MLPH: variants seen among roughly 807,000 people sequenced by gnomAD.
The protein encoded by MLPH is exophilin-3.
In MLPH, 51 loss-of-function variants were observed where a neutral mutation model predicts 72.1. The observed-to-expected ratio is 0.71, with a 90% confidence interval of 0.56 to 0.89. The LOEUF (loss-of-function observed/expected upper bound fraction) is 0.89, where lower values mean the gene tolerates loss of function less well. Among genes scored for constraint, MLPH ranks in the 40% least tolerant of loss-of-function variants. MLPH has a pLI of 0.00. For synonymous variants in MLPH, 301 were observed against 310.1 expected (o/e 0.97, Z 0.31); for missense variants, 743 against 759.9 (o/e 0.98, Z 0.26).
Position 237,505,288 on chromosome 2 carries a change from C to A in MLPH, c.111-5286C>A, listed in dbSNP as rs1297447568. 6.6e-6 allele frequency among the ~76,000 whole-genome samples: 1 copy of A among 152,184 alleles called. No individual in the cohort carries two copies. On this transcript the variant is annotated intron_variant, in intron 2 of 15. Transcript: ENST00000264605. This position sits in a 1 kb window ranked among gnomAD's most constrained non-coding sequence, Gnocchi z 4.5. Reference sequence around the variant, plus strand: ...TACGGATGGCACCCACCACTGAGACCCTGATCCCAGCCACATACCCACGTG... The same window carrying A: ...TACGGATGGCACCCACCACTGAGACACTGATCCCAGCCACATACCCACGTG...
At chr2:237,523,372 A>G (rs981751981) in intron 6 of MLPH, among the ~76,000 whole-genome samples, 2 of 152,226 alleles carry the variant, frequency 1.3e-5, no homozygotes, top group African/African-American at 4.8e-5. Flanking sequence ...GGAATAATTC[A>G]TGTTTGCTAT....
chr2:237,539,144 G>GA (rs113449392), intron 9 of MLPH, among the ~76,000 whole-genome samples: 21,661 of 152,154 alleles, frequency 0.14, 1,821 homozygotes, highest in South Asian at 0.28. Context: ...TTTACTATGG[G>GA]GGGGCGGGGA....
intron 4 of MLPH, among the ~76,000 whole-genome samples, chr2:237,513,626 T>C (rs1404741079): frequency 1.3e-5 from 2 of 152,140 alleles, no homozygotes; most frequent in African/African-American, 2.4e-5. Flanking sequence ...TTGGCCCAAG[T>C]GCAGAGTGAC....
At chr2:237,550,787 G>A (rs1574918383) in intron 14 of MLPH, among the ~76,000 whole-genome samples, 1 of 152,176 alleles carries the variant, frequency 6.6e-6, no homozygotes, top group Admixed American at 6.5e-5. Context: ...GACGTCAGAT[G>A]ATCCATCCAC....
rs2292881 is a variant in MLPH at position 237,525,606 on chromosome 2, C to T, written c.681C>T (p.Leu227=). ...TGACAGCCCCATGTGCTTAGTCCCT[C>T]ACAGATGAGTCCTGCTCAGAGAAGG... The part of the protein sequence containing the change: ...VPEARDSPQS[L]TDESCSEKAA... Residue 227 remains leucine, a synonymous_variant, in exon 7 of 16, where the codon CTC becomes CTT. Coordinates refer to ENST00000264605, the MANE Select transcript of MLPH (RefSeq NM_024101.7). 0.1 allele frequency: 160,910 copies of T among 1,613,796 alleles called. 9,790 individuals carry two copies. Among genetic ancestry groups the T allele is most frequent in the South Asian group, 0.21 (18,940 of 91,058 alleles).
chr2:237,552,216 T>G, intron 14 of MLPH, 121 bp from the exon 15 acceptor site: 1 of 730,326 alleles, frequency 1.4e-6, no homozygotes, highest in East Asian at 2.7e-5. Context: ...ATGTGGAAGC[T>G]TCTTAAAAGG....
intron 2 of MLPH, among the ~76,000 whole-genome samples, chr2:237,499,824 A>G (rs1028070891): frequency 2.6e-5 from 4 of 152,012 alleles, no homozygotes; most frequent in African/African-American, 7.3e-5. Context: ...GGCTCACTGC[A>G]GCCTCGACCT....
At chr2:237,536,800 G>C (rs766219340) in intron 9 of MLPH, among the ~76,000 whole-genome samples, 1 of 152,164 alleles carries the variant, frequency 6.6e-6, no homozygotes, top group Non-Finnish European at 1.5e-5. Flanking sequence ...GGGACCCGCT[G>C]TCCTGTAGCC....
chr2:237,548,991 C>A (rs1021890986), intron 13 of MLPH, among the ~76,000 whole-genome samples: 4 of 152,200 alleles, frequency 2.6e-5, no homozygotes, highest in Non-Finnish European at 1.5e-5. Context: ...CCATACCACC[C>A]AAATGTGGCA....
chr2:237,515,433 G>T (rs1483454571), intron 4 of MLPH, among the ~76,000 whole-genome samples: 1 of 152,188 alleles, frequency 6.6e-6, no homozygotes. Flanking sequence ...TTGTGCCTCT[G>T]GGAGTGAAAA....
intron 12 of MLPH, 199 bp from the exon 13 acceptor site, chr2:237,546,407 C>T: frequency 3.3e-6 from 2 of 612,844 alleles, no homozygotes; most frequent in Non-Finnish European, 5.9e-6. Flanking sequence ...CCCTGGGTAT[C>T]CTGTATTTTC....
At chr2:237,494,178 G>A (rs565133613) in intron 2 of MLPH, among the ~76,000 whole-genome samples, 3 of 150,934 alleles carry the variant, frequency 2.0e-5, no homozygotes, top group South Asian at 4.2e-4. Flanking sequence ...TGCTCCCGGC[G>A]AAGGGGGGGG....
chr2:237,488,884 C>T (rs1022240958), intron 1 of MLPH, among the ~76,000 whole-genome samples: 3 of 152,204 alleles, frequency 2.0e-5, no homozygotes, highest in African/African-American at 7.2e-5. Flanking sequence ...GTGGTTGGGG[C>T]AGCCTTCTAG....
intron 8 of MLPH, among the ~76,000 whole-genome samples, chr2:237,533,846 A>G (rs915728757): frequency 2.6e-5 from 4 of 152,256 alleles, no homozygotes; most frequent in African/African-American, 9.6e-5. Context: ...AGATTTGCCC[A>G]CTCAAAGCCC....
chr2:237,525,096 A>G (rs141142620), intron 6 of MLPH, among the ~76,000 whole-genome samples: 2 of 152,324 alleles, frequency 1.3e-5, no homozygotes, highest in East Asian at 1.9e-4. Context: ...CTTGGGGACA[A>G]TGACATAACA....
chr2:237,513,732 C>T (rs1226370535), intron 4 of MLPH, among the ~76,000 whole-genome samples: 1 of 152,026 alleles, frequency 6.6e-6, no homozygotes. Context: ...ACAGGTGGGT[C>T]CCCAGGCCCC....
At chr2:237,537,985 C>T (rs1020053239) in intron 9 of MLPH, among the ~76,000 whole-genome samples, 3 of 152,198 alleles carry the variant, frequency 2.0e-5, no homozygotes, top group Non-Finnish European at 2.9e-5. Flanking sequence ...GATGAGTGAA[C>T]GAGCAGGTGC....
In MLPH at chr2:237,518,570, TG is replaced by T; in HGVS notation, c.479del (p.Gly160GlufsTer164). ...CTGAACTGATATCTGAAGAGAGAAG[TG>T]GAGACAGCGACCAGACAGATGAGGA... Reference protein sequence around the residue: ...GPELISEERSGDSDQTDEDGE... With the variant: ...GPELISEERSXDSDQTDEDGE... On this transcript the variant is annotated frameshift_variant, in exon 5 of 16. Transcript: ENST00000264605. LOFTEE classifies it high-confidence loss of function. 1 of 1,613,774 alleles carries T rather than the reference TG, an allele frequency of 6.2e-7. No individual in the cohort carries two copies. Among genetic ancestry groups the T allele is most frequent in the South Asian group, 1.1e-5 (1 of 91,020 alleles).
chr2:237,520,601 G>C (rs951885206), intron 6 of MLPH, among the ~76,000 whole-genome samples: 1 of 152,168 alleles, frequency 6.6e-6, no homozygotes, highest in East Asian at 1.9e-4. Context: ...CCTCTTCAAG[G>C]GCTGATTAGT....
Sources: gnomAD v4.1 joint callset for allele counts (sites outside exome capture counted in the v4.1 genomes callset) on GRCh38, gnomAD v4.1.1 for gene constraint, Gnocchi (gnomAD v3.1) non-coding constraint, MANE v1.5 for transcripts, NCBI Gene and HGNC (gene_info 2026-07-23, HGNC 2026-07-21) for gene names.